MSRA: variants seen among roughly 807,000 people sequenced by gnomAD.
MSRA encodes the protein methionine sulfoxide reductase A.
In MSRA, 54 loss-of-function variants were observed where a neutral mutation model predicts 31.3. That is an observed-to-expected ratio of 1.73 (90% CI 1.39 to 2.17). The LOEUF (loss-of-function observed/expected upper bound fraction) is 2.17. Ranked by LOEUF, MSRA falls within the 30% of genes most tolerant of loss-of-function variation. MSRA has a pLI of 0.00. For synonymous variants in MSRA, 169 were observed against 116.5 expected, an observed-to-expected ratio of 1.45 and a Z score of -2.90; for missense variants, 507 against 300.9, an observed-to-expected ratio of 1.69 and a Z score of -5.07.
At chr8:10,086,419 T>G (rs1798561531) in intron 1 of MSRA, among the ~76,000 whole-genome samples, 1 of 152,300 alleles carries the variant, frequency 6.6e-6, no homozygotes, top group Admixed American at 6.5e-5. Context: ...AAGTAGGAAG[T>G]TGGATGTATG....
intron 1 of MSRA, among the ~76,000 whole-genome samples, chr8:10,109,836 G>C (rs191817229): frequency 6.6e-6 from 1 of 152,196 alleles, no homozygotes; most frequent in African/African-American, 2.4e-5. Context: ...GTTCAGGACA[G>C]TGATCAAGTG....
At chr8:10,094,534 A>G (rs1010850463) in intron 1 of MSRA, among the ~76,000 whole-genome samples, 3 of 152,240 alleles carry the variant, frequency 2.0e-5, no homozygotes, top group African/African-American at 7.2e-5. Flanking sequence ...AAATGAGCAA[A>G]CTGAGGAGAT....
At chr8:10,127,319 A>G (rs1299343109) in intron 1 of MSRA, among the ~76,000 whole-genome samples, 2 of 152,258 alleles carry the variant, frequency 1.3e-5, no homozygotes, top group Non-Finnish European at 2.9e-5. Context: ...AACCTCAGGC[A>G]TAAATGGGTA....
In MSRA at chr8:10,172,546, A is replaced by G. The variant is rs541085826; in HGVS notation, c.143-35287A>G. Among the ~76,000 whole-genome samples, 14 of 152,314 alleles carry G rather than the reference A, an allele frequency of 9.2e-5. No homozygotes were observed. The South Asian group carries it at 1.5e-3, about 16-fold the overall frequency. On this transcript the variant is annotated intron_variant, in intron 1 of 5. Transcript: ENST00000317173. ...GGGGCGGAGGTTAGGGAATATGCCA[A>G]TTAGACCAGTAATGGAGGGAATATT...
chr8:10,228,651 C>T (rs962515284), intron 2 of MSRA, among the ~76,000 whole-genome samples: 5 of 152,136 alleles, frequency 3.3e-5, no homozygotes, highest in Non-Finnish European at 5.9e-5. Context: ...GAAAGGACGT[C>T]GGCTTTGAAT....
rs548566980 is a variant in MSRA, at chr8:10,155,310, G to C, written c.143-52523G>C. Among the ~76,000 whole-genome samples the C allele has an allele frequency of 1.4e-4, 21 of 152,252 alleles. No homozygotes were observed. The East Asian group carries it at 3.7e-3, about 27-fold the overall frequency. ...CACCAACATTTTCACTGTGGAAGGA[G>C]ACATAAATATGAGGAATGTGAGGTA... On this transcript the variant is annotated intron_variant, in intron 1 of 5. Transcript: ENST00000317173.
At chr8:10,421,448 G>GCCCACTGGTT in intron 5 of MSRA, among the ~76,000 whole-genome samples, 1 of 152,212 alleles carries the variant, frequency 6.6e-6, no homozygotes, top group East Asian at 1.9e-4. Flanking sequence ...GCCCACTGGT[G>GCCCACTGGTT]CCCACTGCCA....
intron 2 of MSRA, among the ~76,000 whole-genome samples, chr8:10,220,807 G>A (rs1054400638): frequency 6.6e-6 from 1 of 152,158 alleles, no homozygotes; most frequent in Non-Finnish European, 1.5e-5. Context: ...GGGTGGCAGT[G>A]GGCACTCACA....
intron 3 of MSRA, among the ~76,000 whole-genome samples, chr8:10,287,044 C>A (rs1799975827): frequency 6.6e-6 from 1 of 152,204 alleles, no homozygotes; most frequent in Admixed American, 6.5e-5. Flanking sequence ...CCCAGCACTT[C>A]ATTGTTGAAA....
At position 10,428,299 on chromosome 8, in the gene MSRA, G is replaced by C. The variant is rs774636640; in HGVS notation, c.695G>C (p.Gly232Ala). Residue 232 changes from glycine to alanine, a missense_variant, in exon 6 of 6, where the codon GGT becomes GCT. Physicochemically the swap from Gly to Ala is moderately conservative, Grantham distance 60. Coordinates refer to ENST00000317173, the MANE Select transcript of MSRA (RefSeq NM_012331.5). Reference protein sequence around the residue: ...LGGTGVSCPVGIKK With the variant: ...LGGTGVSCPVAIKK ...GGCACCGGCGTGTCCTGCCCAGTGG[G>C]TATTAAAAAATAATTTCTCCCCACA... The C allele has an allele frequency of 1.2e-6, 2 of 1,611,390 alleles. No homozygotes were observed. The highest frequency in any genetic ancestry group is 1.7e-6 in the Non-Finnish European group (2 of 1,179,502).
chr8:10,373,833 C>A (rs1351528560), intron 5 of MSRA, among the ~76,000 whole-genome samples: 1 of 152,190 alleles, frequency 6.6e-6, no homozygotes, highest in African/African-American at 2.4e-5. Context: ...TGTTGAGCCC[C>A]TGGAGGGCTC....
intron 5 of MSRA, among the ~76,000 whole-genome samples, chr8:10,341,114 GA>G (rs1372600197): frequency 1.3e-5 from 2 of 152,184 alleles, no homozygotes; most frequent in African/African-American, 4.8e-5. Context: ...GTGGGGCCAG[GA>G]AATATGAAAT....
In MSRA at chr8:10,207,898, T is replaced by C; in HGVS notation, c.208T>C (p.Phe70Leu). ...CCCAGAGGGAACACAGATGGCTGTA[T>C]TTGGTAAGATATCAATTCTGAAAGA... ...PFPEGTQMAV[F>L]GMGCFWGAER... The change falls in exon 2 of 6, where the codon TTT (phenylalanine) becomes CTT (leucine). Residue 70 changes from phenylalanine (F) to leucine (L), a missense_variant. Transcript: ENST00000317173. The C allele has an allele frequency of 6.2e-7, 1 of 1,611,692 alleles. No individual in the cohort carries two copies. Among genetic ancestry groups the C allele is most frequent in the Non-Finnish European group, 8.5e-7 (1 of 1,178,540 alleles).
chr8:10,061,654 T>A (rs980964611), intron 1 of MSRA, among the ~76,000 whole-genome samples: 1 of 151,804 alleles, frequency 6.6e-6, no homozygotes, highest in African/African-American at 2.4e-5. Flanking sequence ...TTGGGAAGAA[T>A]ATGGTTAATG....
intron 1 of MSRA, among the ~76,000 whole-genome samples, chr8:10,070,593 C>T (rs550498143): frequency 3.9e-5 from 6 of 152,292 alleles, no homozygotes; most frequent in Admixed American, 3.9e-4. Context: ...AGTCAATATA[C>T]AGAACAGTTC....
intron 5 of MSRA, among the ~76,000 whole-genome samples, chr8:10,416,329 T>G (rs1379191204): frequency 2.0e-5 from 3 of 152,248 alleles, no homozygotes; most frequent in African/African-American, 7.2e-5. Context: ...ATCTGCTCGC[T>G]TCGGCTGAAC....
chr8:10,230,680 A>G (rs570352178), intron 2 of MSRA, among the ~76,000 whole-genome samples: 104 of 152,350 alleles, frequency 6.8e-4, no homozygotes, highest in African/African-American at 2.4e-3. Context: ...TTTGGAATAA[A>G]CTGAAGAGCA....
intron 1 of MSRA, among the ~76,000 whole-genome samples, chr8:10,125,371 G>T (rs924531963): frequency 1.6e-4 from 25 of 152,214 alleles, no homozygotes; most frequent in African/African-American, 6.0e-4. Context: ...GGTAGTCACA[G>T]GCTTGACCCA....
chr8:10,294,503 G>A, intron 3 of MSRA, among the ~76,000 whole-genome samples: 1 of 152,146 alleles, frequency 6.6e-6, no homozygotes, highest in East Asian at 1.9e-4. Flanking sequence ...CTTTGCCAAA[G>A]TCACACAGCT....
Sources: gnomAD v4.1 joint callset for allele counts (sites outside exome capture counted in the v4.1 genomes callset) on GRCh38, gnomAD v4.1.1 for gene constraint, MANE v1.5 for transcripts, NCBI Gene and HGNC (gene_info 2026-07-23, HGNC 2026-07-21) for gene names.